The following PCDH15 variants were observed in gnomAD, a reference collection of about 807,000 sequenced individuals.
PCDH15 encodes the protein protocadherin-15.
Under a neutral mutation model 178.5 loss-of-function variants are expected in PCDH15, and 129 were observed. That is an observed-to-expected ratio of 0.72 (90% CI 0.63 to 0.84). The LOEUF (loss-of-function observed/expected upper bound fraction) is 0.84. Among genes scored for constraint, PCDH15 ranks in the 40% least tolerant of loss-of-function variants. PCDH15 has a pLI of 0.00. For missense variants in PCDH15, 2,230 were observed against 2,099.9 expected (o/e 1.06, Z -1.21); for synonymous variants, 800 against 732.0 (o/e 1.09, Z -1.50).
At chr10:53,921,413 G>T (rs918144691) in intron 25 of PCDH15, among the ~76,000 whole-genome samples, 1 of 151,534 alleles carries the variant, frequency 6.6e-6, no homozygotes, top group African/African-American at 2.4e-5. Context: ...TGCCTAAACA[G>T]TATCACTTCC....
intron 2 of PCDH15, among the ~76,000 whole-genome samples, chr10:54,594,823 A>G (rs552729882): frequency 6.6e-6 from 1 of 152,220 alleles, no homozygotes; most frequent in South Asian, 2.1e-4. Flanking sequence ...TGGAGGGCAT[A>G]TAGTTTGACA....
Position 53,828,548 on chromosome 10 carries a change from A to C in PCDH15, c.4211+17T>G, listed in dbSNP as rs1433965353. On this transcript the variant is annotated intron_variant, in intron 31 of 37. Coordinates refer to ENST00000644397, the MANE Select transcript of PCDH15 (RefSeq NM_001384140.1). ...CTATTACATGAAAAGGATGTGTAAAATGTTAATTATACTTACACTTTAAAC... is the reference window on the plus strand; with the variant it reads ...CTATTACATGAAAAGGATGTGTAAACTGTTAATTATACTTACACTTTAAAC... The C allele has an allele frequency of 6.5e-7, 1 of 1,548,136 alleles. No individual in the cohort carries two copies. The highest frequency in any genetic ancestry group is 8.9e-7 in the Non-Finnish European group (1 of 1,120,646).
chr10:55,044,714 C>A (rs1403838836), intron 2 of PCDH15, among the ~76,000 whole-genome samples: 1 of 152,044 alleles, frequency 6.6e-6, no homozygotes, highest in Non-Finnish European at 1.5e-5. Context: ...TACACTAGAT[C>A]CTTCCAATTC....
chr10:54,312,739 A>C (rs971250614), intron 8 of PCDH15, among the ~76,000 whole-genome samples: 1 of 152,090 alleles, frequency 6.6e-6, no homozygotes, highest in East Asian at 1.9e-4. Context: ...CCTCAGTTAA[A>C]GTGCCACAGC....
intron 2 of PCDH15, among the ~76,000 whole-genome samples, chr10:55,504,148 A>G (rs1030617251): frequency 6.6e-6 from 1 of 151,288 alleles, no homozygotes; most frequent in African/African-American, 2.4e-5. Context: ...TGTCAACCCT[A>G]ACGTAAACTA....
At chr10:54,674,314 T>G (rs922160856) in intron 1 of PCDH15, among the ~76,000 whole-genome samples, 1 of 152,184 alleles carries the variant, frequency 6.6e-6, no homozygotes, top group Admixed American at 6.5e-5. Context: ...TTGATATTAT[T>G]GAAATCATTA....
chr10:55,310,128 C>T (rs1025711951), intron 1 of PCDH15, among the ~76,000 whole-genome samples: 1 of 152,106 alleles, frequency 6.6e-6, no homozygotes, highest in Admixed American at 6.6e-5. Flanking sequence ...TTCTTCTCAT[C>T]GTTTAATTCA....
chr10:54,753,562 T>C (rs1946625073), intron 1 of PCDH15, among the ~76,000 whole-genome samples: 1 of 152,206 alleles, frequency 6.6e-6, no homozygotes, highest in African/African-American at 2.4e-5. Flanking sequence ...TATTTGATCT[T>C]ACCAAGTCAT....
At chr10:54,026,518 C>T (rs1459887009) in intron 18 of PCDH15, among the ~76,000 whole-genome samples, 2 of 152,164 alleles carry the variant, frequency 1.3e-5, no homozygotes, top group Non-Finnish European at 2.9e-5. Flanking sequence ...CAAGTACACA[C>T]ACATTTTGAC....
chr10:55,529,895 T>A (rs546942863), intron 2 of PCDH15, among the ~76,000 whole-genome samples: 2 of 150,652 alleles, frequency 1.3e-5, no homozygotes, highest in Non-Finnish European at 3.0e-5. Context: ...GCTACGTTAA[T>A]GCTCCTCAAA....
intron 13 of PCDH15, among the ~76,000 whole-genome samples, chr10:54,156,948 T>C (rs1205835459): frequency 1.3e-5 from 2 of 152,224 alleles, no homozygotes; most frequent in African/African-American, 4.8e-5. Context: ...TTTGACTTCA[T>C]GTCTCACATC....
chr10:54,057,385 C>G (rs536556710), intron 18 of PCDH15, among the ~76,000 whole-genome samples: 1 of 152,326 alleles, frequency 6.6e-6, no homozygotes, highest in South Asian at 2.1e-4. Flanking sequence ...CAGAGGTTCC[C>G]AAACCTTAAT....
At chr10:54,834,556 A>C (rs1591729913) in intron 3 of PCDH15, among the ~76,000 whole-genome samples, 1 of 152,144 alleles carries the variant, frequency 6.6e-6, no homozygotes, top group South Asian at 2.1e-4. Context: ...GCTGTGAAAA[A>C]AACAGAATAA....
At chr10:54,941,488 C>T (rs1420350040) in intron 2 of PCDH15, among the ~76,000 whole-genome samples, 1 of 151,962 alleles carries the variant, frequency 6.6e-6, no homozygotes, top group Non-Finnish European at 1.5e-5. Flanking sequence ...GAGGCATTGC[C>T]ATCTTACTGT....
At chr10:54,318,018 T>A (rs142356656) in intron 7 of PCDH15, among the ~76,000 whole-genome samples, 1 of 152,298 alleles carries the variant, frequency 6.6e-6, no homozygotes, top group African/African-American at 2.4e-5. Flanking sequence ...GTCACTCTCA[T>A]CTCATTAGAG....
At chr10:53,820,265 C>T (rs540519923) in intron 32 of PCDH15, 35 bp from the exon 33 acceptor site, 3 of 397,126 alleles carry the variant, frequency 7.6e-6, no homozygotes, top group African/African-American at 4.1e-5. Context: ...AAAAAAATCA[C>T]GTTCAAGAAC....
intron 3 of PCDH15, among the ~76,000 whole-genome samples, chr10:54,480,460 CAT>C (rs914187743): frequency 6.6e-6 from 1 of 151,972 alleles, no homozygotes; most frequent in African/African-American, 2.4e-5. Flanking sequence ...GCAATAGACT[CAT>C]AATCTTATCT....
chr10:55,140,332 C>T (rs1838312521), intron 2 of PCDH15, among the ~76,000 whole-genome samples: 4 of 151,908 alleles, frequency 2.6e-5, no homozygotes, highest in African/African-American at 9.7e-5. Flanking sequence ...TTCAATTTTT[C>T]ATCATTAAGT....
chr10:54,769,455 T>C (rs1041545151), intron 1 of PCDH15, among the ~76,000 whole-genome samples: 2 of 151,784 alleles, frequency 1.3e-5, no homozygotes, highest in Non-Finnish European at 2.9e-5. Context: ...TTTTTTTTTT[T>C]CAAAAATTAG....
Sources: allele counts gnomAD v4.1 joint callset (sites outside exome capture counted in the v4.1 genomes callset), GRCh38; gene constraint gnomAD v4.1.1; transcripts MANE v1.5; gene names NCBI Gene and HGNC (gene_info 2026-07-23, HGNC 2026-07-21).